CLEC5A: variants seen among roughly 807,000 people sequenced by gnomAD.
CLEC5A encodes C-type lectin domain family 5 member A.
In CLEC5A, 15 loss-of-function variants were observed where a neutral mutation model predicts 24.4. The ratio of observed to expected loss-of-function variants is 0.62; its 90% CI spans 0.41 to 0.95. CLEC5A has a LOEUF of 0.95. Among genes scored for constraint, CLEC5A ranks in the 40% least tolerant of loss-of-function variants. The probability of loss-of-function intolerance (pLI) is 0.00; values close to 1 mark genes in which losing one functional copy is unlikely to be tolerated. For missense variants in CLEC5A, 211 were observed against 224.0 expected, an observed-to-expected ratio of 0.94 and a Z score of 0.37; for synonymous variants, 71 against 72.6, an observed-to-expected ratio of 0.98 and a Z score of 0.11.
At chr7:141,943,987 A>C in intron 3 of CLEC5A, 23 bp from the exon 4 acceptor site, 20 of 1,449,576 alleles carry the variant, frequency 1.4e-5, no homozygotes, top group Non-Finnish European at 1.7e-5. Flanking sequence ...GTAAACCTAA[A>C]GGTTATGGTA....
intron 3 of CLEC5A, 53 bp downstream of exon 3, chr7:141,945,288 C>T: frequency 2.4e-6 from 3 of 1,275,092 alleles, no homozygotes; most frequent in Admixed American, 1.7e-5. Flanking sequence ...TCTAGGAATT[C>T]AGCATAGAAG....
chr7:141,935,632 T>C (rs1271628358), intron 5 of CLEC5A, among the ~76,000 whole-genome samples, 182 bp downstream of exon 5: 3 of 152,168 alleles, frequency 2.0e-5, no homozygotes, highest in Non-Finnish European at 4.4e-5. Context: ...ATCATGCTGC[T>C]TCACTGCTAC....
Position 141,931,771 on chromosome 7 carries a change from T to G in CLEC5A, c.401A>C (p.His134Pro). The change falls in exon 6 of 7, where the codon CAT (histidine) becomes CCT (proline). Residue 134 changes from histidine (H) to proline (P), a missense_variant. By Grantham distance (77) the His-to-Pro change is moderately conservative. Transcript: ENST00000546910. ...AEKYFIGLIYHREEKRWRWIN... is the reference protein window; with the variant it reads ...AEKYFIGLIYPREEKRWRWIN... Reference sequence around the variant, plus strand: ...CCAACGCCACCTTTTCTCTTCACGATGGTAAATTAAGCCAATAAAATACTT... The same window carrying G: ...CCAACGCCACCTTTTCTCTTCACGAGGGTAAATTAAGCCAATAAAATACTT... 1 of 1,609,236 alleles carries G rather than the reference T, an allele frequency of 6.2e-7. No individual in the cohort carries two copies. The highest frequency in any genetic ancestry group is 8.5e-7 in the Non-Finnish European group (1 of 1,175,624).
At chr7:141,938,612 A>C (rs1394289182) in intron 4 of CLEC5A, among the ~76,000 whole-genome samples, 1 of 152,224 alleles carries the variant, frequency 6.6e-6, no homozygotes, top group East Asian at 1.9e-4. Flanking sequence ...CTAGGGAAAG[A>C]TATCAATATC....
At position 141,931,769 on chromosome 7, in the gene CLEC5A, G is replaced by T; in HGVS notation, c.403C>A (p.Arg135Ser). 1 of 1,607,968 alleles carries T rather than the reference G, an allele frequency of 6.2e-7. No individual in the cohort carries two copies. The highest frequency in any genetic ancestry group is 8.5e-7 in the Non-Finnish European group (1 of 1,174,562). ...ATCCAACGCCACCTTTTCTCTTCAC[G>T]ATGGTAAATTAAGCCAATAAAATAC... ...EKYFIGLIYH[R>S]EEKRWRWINN... Residue 135 changes from arginine (R) to serine (S), a missense_variant, in exon 6 of 7, where the codon CGT becomes AGT. Transcript: ENST00000546910.
Position 141,935,934 on chromosome 7 carries a change from CCA to C in CLEC5A, c.223_224del (p.Trp75GlyfsTer14). 1 of 1,613,634 alleles carries C rather than the reference CCA, an allele frequency of 6.2e-7. No individual in the cohort carries two copies. The highest frequency in any genetic ancestry group is 8.5e-7 in the Non-Finnish European group (1 of 1,179,606). On this transcript the variant is annotated frameshift_variant, in exon 5 of 7. Coordinates refer to ENST00000546910, the MANE Select transcript of CLEC5A (RefSeq NM_013252.3). LOFTEE classifies it high-confidence loss of function. ...AAAAACATCTTGCTTGATAAAATTC[CCA>C]GTCTTTGGGGCAGACTGAAGAGGTC... ...RSYGTVCPKD[W>X]EFYQARCFFL...
Position 141,930,032 on chromosome 7 carries a change from A to T in CLEC5A, c.*72T>A. The stretch of plus-strand genomic sequence containing the variant: ...TGGTAGACAGATAGGTAAGTAAAAG[A>T]ATCATTGGCCAGACGACCTGTATGG... On this transcript the variant is annotated 3_prime_UTR_variant, in exon 7 of 7. Transcript: ENST00000546910. 1 of 1,203,118 alleles carries T rather than the reference A, an allele frequency of 8.3e-7. No homozygotes were observed. Among genetic ancestry groups the T allele is most frequent in the Non-Finnish European group, 1.2e-6 (1 of 830,068 alleles). The allele number at this position is 1,203,118 out of a possible 1,614,324, so 74.5% of individuals were successfully genotyped here. A position where few individuals can be genotyped will look rare whatever the true frequency, so the allele number is the denominator to read the frequency against.
chr7:141,934,110 T>C lies in CLEC5A; in HGVS notation c.345+1704A>G, dbSNP rs77656766. ...CTGAGTGTGACATTTGGCATGGTCA[T>C]GAACCTGACATATGCCATGCTAGGA... On this transcript the variant is annotated intron_variant, in intron 5 of 6. Transcript: ENST00000546910. Among the ~76,000 whole-genome samples the C allele has an allele frequency of 6.9e-3, 1,045 of 152,316 alleles. 8 individuals are homozygous for C. The highest frequency in any genetic ancestry group is 0.024 in the African/African-American group (997 of 41,570).
chr7:141,931,886 T>A (rs374427602), intron 5 of CLEC5A, 60 bp from the exon 6 acceptor site: 4 of 750,624 alleles, frequency 5.3e-6, no homozygotes, highest in African/African-American at 5.3e-5. Context: ...CTTGAGCCAA[T>A]GTGCCCATGA....
intron 6 of CLEC5A, 175 bp downstream of exon 6, chr7:141,931,545 T>C (rs1303579617): frequency 1.8e-6 from 1 of 542,642 alleles, no homozygotes; most frequent in Non-Finnish European, 3.3e-6. Context: ...ATCTCTTTCA[T>C]AAGAAAACAT....
rs1802399784 is a variant in CLEC5A at position 141,929,893 on chromosome 7, AT to A, written c.*210del. ...TACTACAGAAGCGGACCTCATCTCT[AT>A]ACTAACTGAGTTGTTTCCGTAAAAC... On this transcript the variant is annotated 3_prime_UTR_variant, in exon 7 of 7. Transcript: ENST00000546910. 2.0e-5 allele frequency: 11 copies of A among 542,986 alleles called. No homozygotes were observed. The highest frequency in any genetic ancestry group is 3.6e-5 in the Non-Finnish European group (11 of 303,208). The allele number at this position is 542,986 out of a possible 1,614,324, so 33.6% of individuals were successfully genotyped here.
rs893105401 is a variant in CLEC5A at position 141,928,101 on chromosome 7, A to T, written c.*2003T>A. 6.6e-6 allele frequency: 1 copy of T among 151,804 alleles called. No homozygotes were observed. Among genetic ancestry groups the T allele is most frequent in the Non-Finnish European group, 1.5e-5 (1 of 67,970 alleles). The allele number at this position is 151,804 out of a possible 1,614,324, so 9.4% of individuals were successfully genotyped here. A position where few individuals can be genotyped will look rare whatever the true frequency, so the allele number is the denominator to read the frequency against. On this transcript the variant is annotated 3_prime_UTR_variant, in exon 7 of 7. Coordinates refer to ENST00000546910, the MANE Select transcript of CLEC5A (RefSeq NM_013252.3). ...AGCATGCCACTGCTATCTAATAAAG[A>T]TCACATTTATCTAAGCTTGCAAGGA... is the stretch of plus-strand genomic sequence containing the variant.
At chr7:141,932,436 T>C (rs1554440517) in intron 5 of CLEC5A, among the ~76,000 whole-genome samples, 1 of 152,240 alleles carries the variant, frequency 6.6e-6, no homozygotes, top group African/African-American at 2.4e-5. Context: ...AATTAATTGG[T>C]GAGTTACAAA....
Position 141,946,327 on chromosome 7 carries a change from G to A in CLEC5A, c.-20-15C>T, listed in dbSNP as rs1554442146. The A allele has an allele frequency of 6.4e-7, 1 of 1,550,874 alleles. No homozygotes were observed. Among genetic ancestry groups the A allele is most frequent in the Non-Finnish European group, 8.7e-7 (1 of 1,146,144 alleles). On this transcript the variant is annotated splice_polypyrimidine_tract_variant and intron_variant, in intron 1 of 6. Transcript: ENST00000546910. Reference sequence around the variant, plus strand: ...GCTGCAGGGGCCTGTGAAGATTAGAGCACAGCAGCATCAGAATTCGGGTAC... The same window carrying A: ...GCTGCAGGGGCCTGTGAAGATTAGAACACAGCAGCATCAGAATTCGGGTAC...
intron 4 of CLEC5A, among the ~76,000 whole-genome samples, chr7:141,936,923 A>G (rs1301730322): frequency 6.6e-6 from 1 of 151,998 alleles, no homozygotes; most frequent in Non-Finnish European, 1.5e-5. Flanking sequence ...AGTTCCTGAA[A>G]GACATTTGTA....
rs965091240 is a variant in CLEC5A at position 141,945,538 on chromosome 7, G to A, written c.80-138C>T. 1.3e-5 allele frequency: 9 copies of A among 685,636 alleles called. No individual in the cohort carries two copies. In the Admixed American group the frequency reaches 1.7e-4, roughly 13 times the overall value. 42.5% of individuals were successfully genotyped at this position (685,636 alleles called of 1,614,324 possible). ...CTGAACTCTCTGACTCAGTGAAGAT[G>A]CATAAATGTGGTTTTGTGAATACGT... On this transcript the variant is annotated intron_variant, in intron 2 of 6. Coordinates refer to ENST00000546910, the MANE Select transcript of CLEC5A (RefSeq NM_013252.3).
At position 141,928,080 on chromosome 7, in the gene CLEC5A, T is replaced by A. The variant is rs529144235; in HGVS notation, c.*2024A>T. The A allele has an allele frequency of 1.3e-5, 2 of 152,000 alleles. No homozygotes were observed. The highest frequency in any genetic ancestry group is 4.8e-5 in the African/African-American group (2 of 41,438). The allele number at this position is 152,000 out of a possible 1,614,324, so 9.4% of individuals were successfully genotyped here. A position where few individuals can be genotyped will look rare whatever the true frequency, so the allele number is the denominator to read the frequency against. Reference sequence around the variant, plus strand: ...CATTGCCTTTTTTTTTTTTAAAGCATGCCACTGCTATCTAATAAAGATCAC... The same window carrying A: ...CATTGCCTTTTTTTTTTTTAAAGCAAGCCACTGCTATCTAATAAAGATCAC... On this transcript the variant is annotated 3_prime_UTR_variant, in exon 7 of 7. Transcript: ENST00000546910.
rs781903940 is a variant in CLEC5A, at chr7:141,935,946, G to T, written c.213C>A (p.Cys71Ter). The change falls in exon 5 of 7, where the codon TGC becomes TGA. Residue 71 changes from cysteine (C) to a stop codon, truncating the protein, a stop_gained. Coordinates refer to ENST00000546910, the MANE Select transcript of CLEC5A (RefSeq NM_013252.3). LOFTEE classifies it high-confidence loss of function. ...FITTRSYGTV[C>*]PKDWEFYQAR... ...CTTGATAAAATTCCCAGTCTTTGGG[G>T]CAGACTGAAGAGGTCCAAGAAAGGA... 6.2e-6 allele frequency: 10 copies of T among 1,612,724 alleles called. No homozygotes were observed. Among genetic ancestry groups the T allele is most frequent in the Non-Finnish European group, 8.5e-6 (10 of 1,178,874 alleles).
At chr7:141,937,295 A>T (rs1266365825) in intron 4 of CLEC5A, among the ~76,000 whole-genome samples, 3 of 152,042 alleles carry the variant, frequency 2.0e-5, no homozygotes, top group Admixed American at 6.5e-5. Context: ...AGGAGCCCAC[A>T]GACATAAAGG....
Sources: allele counts gnomAD v4.1 joint callset (sites outside exome capture counted in the v4.1 genomes callset), GRCh38; gene constraint gnomAD v4.1.1; transcripts MANE v1.5; gene names NCBI Gene and HGNC (gene_info 2026-07-23, HGNC 2026-07-21).